Variants in TMEM108 observed in about 807,000 individuals in gnomAD.
TMEM108 encodes the protein transmembrane protein 108.
A neutral mutation model predicts 35.1 loss-of-function variants in TMEM108; 12 were observed. That is an observed-to-expected ratio of 0.34 (90% CI 0.22 to 0.55). TMEM108 has a LOEUF of 0.55. Ranked by LOEUF, TMEM108 falls within the 20% of genes least tolerant of loss-of-function variation. The pLI, the probability that TMEM108 is intolerant of heterozygous loss-of-function variation, is 0.89. For missense variants in TMEM108, 680 were observed against 753.3 expected (o/e 0.90, Z 1.14); for synonymous variants, 287 against 308.6 (o/e 0.93, Z 0.73).
intron 2 of TMEM108, among the ~76,000 whole-genome samples, chr3:133,144,546 A>G (rs1054788363): frequency 3.3e-5 from 5 of 152,228 alleles, no homozygotes; most frequent in East Asian, 1.9e-4. Context: ...AGGAATTGTC[A>G]TACTGTCTTC....
chr3:133,065,522 C>G (rs981308244), intron 2 of TMEM108, among the ~76,000 whole-genome samples: 1 of 151,978 alleles, frequency 6.6e-6, no homozygotes, highest in South Asian at 2.1e-4. Flanking sequence ...GAAACAGGTT[C>G]TTTCTTCCTA....
Position 133,302,074 on chromosome 3 carries a change from C to G in TMEM108, c.40+72723C>G, listed in dbSNP as rs192767285. Reference sequence around the variant, plus strand: ...AAGGATGCAGGGCAAATGGGGGAGTCTATAAATTCACAAATCTGTGATCTT... The same window carrying G: ...AAGGATGCAGGGCAAATGGGGGAGTGTATAAATTCACAAATCTGTGATCTT... On this transcript the variant is annotated intron_variant, in intron 3 of 5. Coordinates refer to ENST00000321871, the MANE Select transcript of TMEM108 (RefSeq NM_023943.4). 2.8e-3 allele frequency among the ~76,000 whole-genome samples: 433 copies of G among 152,320 alleles called. 8 individuals carry two copies. The highest frequency in any genetic ancestry group is 0.01 in the African/African-American group (421 of 41,546).
chr3:133,059,425 T>C (rs1943510795), intron 2 of TMEM108, among the ~76,000 whole-genome samples: 1 of 152,204 alleles, frequency 6.6e-6, no homozygotes, highest in Admixed American at 6.5e-5. Context: ...TGCCTAAGAT[T>C]GATTTGTCCA....
chr3:133,252,774 G>T (rs2122399), intron 3 of TMEM108, among the ~76,000 whole-genome samples: 48,291 of 151,996 alleles, frequency 0.32, 8,453 homozygotes, highest in East Asian at 0.48. Context: ...AAAGTGGGAG[G>T]CTTAGACTAG....
At chr3:133,233,010 T>C (rs1946175928) in intron 3 of TMEM108, among the ~76,000 whole-genome samples, 1 of 149,938 alleles carries the variant, frequency 6.7e-6, no homozygotes, top group Admixed American at 6.7e-5. Flanking sequence ...GTTCAAATCC[T>C]AGGTTTACCA....
intron 3 of TMEM108, among the ~76,000 whole-genome samples, chr3:133,234,836 G>T (rs1383739456): frequency 1.3e-5 from 2 of 152,170 alleles, no homozygotes; most frequent in Non-Finnish European, 2.9e-5. Context: ...CGACATGATT[G>T]TATATCTAGA....
At chr3:133,238,441 A>G (rs912380415) in intron 3 of TMEM108, among the ~76,000 whole-genome samples, 2 of 152,236 alleles carry the variant, frequency 1.3e-5, no homozygotes, top group Non-Finnish European at 2.9e-5. Context: ...TTCTTAAACA[A>G]TCACACACTA....
chr3:133,331,170 A>C (rs1265047968), intron 3 of TMEM108, among the ~76,000 whole-genome samples: 1 of 152,192 alleles, frequency 6.6e-6, no homozygotes, highest in East Asian at 1.9e-4. Context: ...TTAAATATGG[A>C]AGAAATCATG....
chr3:133,149,485 T>C (rs1944766958), intron 2 of TMEM108, among the ~76,000 whole-genome samples: 1 of 152,162 alleles, frequency 6.6e-6, no homozygotes, highest in Non-Finnish European at 1.5e-5. Flanking sequence ...AAAGTTTGTA[T>C]CCTTTGATCC....
At chr3:133,328,679 T>C (rs2071359391) in intron 3 of TMEM108, among the ~76,000 whole-genome samples, 1 of 152,188 alleles carries the variant, frequency 6.6e-6, no homozygotes, top group African/African-American at 2.4e-5. Flanking sequence ...CCACCCTCTC[T>C]CATCTCATGC....
intron 3 of TMEM108, among the ~76,000 whole-genome samples, chr3:133,360,181 G>A (rs2072303331): frequency 6.6e-6 from 1 of 152,070 alleles, no homozygotes; most frequent in Non-Finnish European, 1.5e-5. Context: ...CATTTGCTTG[G>A]AGTGAGGGTT....
chr3:133,075,320 G>A lies in TMEM108; in HGVS notation c.-47+29300G>A, dbSNP rs752999273. ...CTCCAGGATAGCTCTACCAGACTTC[G>A]CTCTACTAGCAGTTCTTGGGGGTTA... On this transcript the variant is annotated intron_variant, in intron 2 of 5. Coordinates refer to ENST00000321871, the MANE Select transcript of TMEM108 (RefSeq NM_023943.4). 2.0e-5 allele frequency among the ~76,000 whole-genome samples: 3 copies of A among 152,198 alleles called. No individual in the cohort carries two copies. In the East Asian group the frequency reaches 5.8e-4, roughly 29 times the overall value.
chr3:133,167,491 T>TG (rs1440223610), intron 2 of TMEM108, among the ~76,000 whole-genome samples: 1 of 152,196 alleles, frequency 6.6e-6, no homozygotes, highest in African/African-American at 2.4e-5. Context: ...GAGCCCACCG[T>TG]GGGGGGACTT....
intron 3 of TMEM108, among the ~76,000 whole-genome samples, chr3:133,312,910 T>C (rs1415338141): frequency 6.6e-6 from 1 of 152,240 alleles, no homozygotes; most frequent in Non-Finnish European, 1.5e-5. Context: ...GACATTCTCT[T>C]ACAGAACCAC....
intron 3 of TMEM108, among the ~76,000 whole-genome samples, chr3:133,290,388 A>G (rs768126437): frequency 7.2e-5 from 11 of 152,198 alleles, no homozygotes; most frequent in South Asian, 2.1e-4. Flanking sequence ...TGGGAGCCCA[A>G]GCTGAGTGGA....
At chr3:133,338,886 G>A (rs2071580428) in intron 3 of TMEM108, among the ~76,000 whole-genome samples, 1 of 151,926 alleles carries the variant, frequency 6.6e-6, no homozygotes, top group South Asian at 2.1e-4. Context: ...GTTGTTATCA[G>A]CTTAAAATAA....
intron 3 of TMEM108, among the ~76,000 whole-genome samples, chr3:133,360,259 T>C (rs2072305625): frequency 6.6e-6 from 1 of 152,270 alleles, no homozygotes; most frequent in Non-Finnish European, 1.5e-5. Context: ...TTCTGTGTCT[T>C]GATTATAGTA....
intron 2 of TMEM108, among the ~76,000 whole-genome samples, chr3:133,094,359 C>T (rs1195101929): frequency 2.6e-5 from 4 of 151,896 alleles, no homozygotes; most frequent in Non-Finnish European, 5.9e-5. Context: ...TTACCAGCCC[C>T]GTGGCCTTGG....
intron 3 of TMEM108, among the ~76,000 whole-genome samples, chr3:133,332,114 A>ACACACT (rs1491476508): frequency 6.7e-6 from 1 of 148,750 alleles, no homozygotes; most frequent in African/African-American, 2.5e-5. Flanking sequence ...ACACACACAC[A>ACACACT]CTTACCTAGA....
Sources: gnomAD v4.1 joint callset for allele counts (sites outside exome capture counted in the v4.1 genomes callset) on GRCh38, gnomAD v4.1.1 for gene constraint, MANE v1.5 for transcripts, NCBI Gene and HGNC (gene_info 2026-07-23, HGNC 2026-07-21) for gene names.